SRGAP1: variants seen among roughly 807,000 people sequenced by gnomAD.
The protein encoded by SRGAP1 is SLIT-ROBO Rho GTPase-activating protein 1.
Under a neutral mutation model 121.9 loss-of-function variants are expected in SRGAP1, and 43 were observed. That is an observed-to-expected ratio of 0.35 (90% CI 0.28 to 0.46). SRGAP1 has a LOEUF of 0.46. Ranked by LOEUF, SRGAP1 falls within the 20% of genes least tolerant of loss-of-function variation. SRGAP1 has a pLI of 1.00. For synonymous variants in SRGAP1, 447 were observed against 485.4 expected (o/e 0.92, Z 1.04); for missense variants, 1,102 against 1,350.9 (o/e 0.82, Z 2.89).
At chr12:64,009,227 T>A (rs1401176365) in intron 3 of SRGAP1, among the ~76,000 whole-genome samples, 1 of 152,188 alleles carries the variant, frequency 6.6e-6, no homozygotes, top group African/African-American at 2.4e-5. Flanking sequence ...AACAGTTTTA[T>A]AACTCATTCT....
chr12:64,099,262 T>C (rs771710034), intron 15 of SRGAP1, among the ~76,000 whole-genome samples: 19 of 152,250 alleles, frequency 1.2e-4, no homozygotes, highest in Non-Finnish European at 1.3e-4. Context: ...TGTGAGAATT[T>C]AGTGAGTTAA....
chr12:64,108,351 C>T (rs1262763274), intron 15 of SRGAP1, among the ~76,000 whole-genome samples: 1 of 152,130 alleles, frequency 6.6e-6, no homozygotes, highest in Non-Finnish European at 1.5e-5. Context: ...TCAGGACATG[C>T]ATCATATGAA....
chr12:63,919,764 G>GCTCATAAGTA (rs1293113033), intron 1 of SRGAP1, among the ~76,000 whole-genome samples: 1 of 151,886 alleles, frequency 6.6e-6, no homozygotes, highest in Non-Finnish European at 1.5e-5. Flanking sequence ...GTACTATACA[G>GCTCATAAGTA]CTAATTTTGC....
chr12:64,071,985 T>C lies in SRGAP1; in HGVS notation c.1125+6766T>C, dbSNP rs552051579. Among the ~76,000 whole-genome samples, 15 of 151,714 alleles carry C rather than the reference T, an allele frequency of 9.9e-5. No homozygotes were observed. In the South Asian group the frequency reaches 3.1e-3, roughly 32 times the overall value. On this transcript the variant is annotated intron_variant, in intron 8 of 21. Coordinates refer to ENST00000355086, the MANE Select transcript of SRGAP1 (RefSeq NM_020762.4). ...TATTAGCATTGCACCCATGTTAGGG[T>C]ACAAGGAGCAAGAGAAGGCCATGGC...
At chr12:63,949,694 C>T (rs2032226847) in intron 1 of SRGAP1, among the ~76,000 whole-genome samples, 1 of 151,922 alleles carries the variant, frequency 6.6e-6, no homozygotes, top group African/African-American at 2.4e-5. Context: ...CCCAAAGAGA[C>T]ATTTTTATTT....
intron 1 of SRGAP1, among the ~76,000 whole-genome samples, chr12:63,879,819 C>T (rs1257706196): frequency 6.6e-5 from 10 of 152,174 alleles, no homozygotes; most frequent in Admixed American, 6.5e-4. Context: ...AACAGCTTCC[C>T]TCCCCATAAT....
chr12:63,990,464 G>A (rs147798715), intron 3 of SRGAP1, among the ~76,000 whole-genome samples: 2,152 of 152,242 alleles, frequency 0.014, 40 homozygotes, highest in African/African-American at 0.049. Context: ...CCCAGGAGGC[G>A]GAGGTTGCAG....
At chr12:64,092,600 T>C (rs1189112034) in intron 12 of SRGAP1, among the ~76,000 whole-genome samples, 1 of 152,162 alleles carries the variant, frequency 6.6e-6, no homozygotes, top group Non-Finnish European at 1.5e-5. Flanking sequence ...CAGTTACAGA[T>C]CTACTGCCTT....
At chr12:64,112,817 T>A (rs980421166) in intron 17 of SRGAP1, among the ~76,000 whole-genome samples, 22 of 152,128 alleles carry the variant, frequency 1.4e-4, no homozygotes, top group Non-Finnish European at 1.5e-5. Context: ...ATGTTCTTAC[T>A]CATATATGGA....
intron 1 of SRGAP1, among the ~76,000 whole-genome samples, chr12:63,941,836 C>T (rs544211115): frequency 7.2e-5 from 11 of 152,104 alleles, no homozygotes; most frequent in African/African-American, 2.7e-4. Context: ...AATAGAATGA[C>T]CCCACCTGGC....
intron 3 of SRGAP1, among the ~76,000 whole-genome samples, chr12:63,995,541 T>A (rs2033673890): frequency 6.6e-6 from 1 of 152,180 alleles, no homozygotes; most frequent in Non-Finnish European, 1.5e-5. Flanking sequence ...CAGAAACTTC[T>A]GAGAAATAGG....
chr12:64,067,171 C>G lies in SRGAP1; in HGVS notation c.1125+1952C>G, dbSNP rs540558054. ...CTGTTTGTGTTACCTGTCTGGCCTC[C>G]GCAGGCCTTTGAGTTTGTGATCCTT... On this transcript the variant is annotated intron_variant, in intron 8 of 21. Coordinates refer to ENST00000355086, the MANE Select transcript of SRGAP1 (RefSeq NM_020762.4). Among the ~76,000 whole-genome samples the G allele has an allele frequency of 1.5e-3, 235 of 152,278 alleles. 2 individuals carry two copies. Among genetic ancestry groups the G allele is most frequent in the Admixed American group, 4.2e-3 (64 of 15,282 alleles).
intron 1 of SRGAP1, among the ~76,000 whole-genome samples, chr12:63,913,048 A>G (rs2030575857): frequency 6.6e-6 from 1 of 152,022 alleles, no homozygotes; most frequent in African/African-American, 2.4e-5. Flanking sequence ...TTAGCTTATA[A>G]GGCCCTCCTC....
chr12:63,946,140 T>A (rs1354851593), intron 1 of SRGAP1, among the ~76,000 whole-genome samples: 1 of 152,224 alleles, frequency 6.6e-6, no homozygotes, highest in Non-Finnish European at 1.5e-5. Flanking sequence ...CACTGCATTA[T>A]GAAATGGAGG....
At chr12:64,045,475 A>C (rs919627551) in intron 6 of SRGAP1, among the ~76,000 whole-genome samples, 10 of 151,104 alleles carry the variant, frequency 6.6e-5, no homozygotes, top group Non-Finnish European at 1.3e-4. Context: ...TCACTCTGTC[A>C]CGTAGGCTGG....
intron 1 of SRGAP1, among the ~76,000 whole-genome samples, chr12:63,851,931 C>A (rs2136254690): frequency 6.6e-6 from 1 of 152,178 alleles, no homozygotes; most frequent in African/African-American, 2.4e-5. Flanking sequence ...ACATAATAGT[C>A]AACAAATGTT....
chr12:64,067,958 T>C (rs1054124817), intron 8 of SRGAP1, among the ~76,000 whole-genome samples: 2 of 151,576 alleles, frequency 1.3e-5, no homozygotes, highest in African/African-American at 4.8e-5. Flanking sequence ...TCACCCAAGT[T>C]TTAAAAAGCA....
intron 5 of SRGAP1, among the ~76,000 whole-genome samples, 186 bp from the exon 6 acceptor site, chr12:64,043,261 A>G (rs2035059436): frequency 6.6e-6 from 1 of 152,238 alleles, no homozygotes; most frequent in African/African-American, 2.4e-5. Flanking sequence ...ATTATTCCCC[A>G]TAGCTGGGTA....
intron 15 of SRGAP1, among the ~76,000 whole-genome samples, chr12:64,098,303 G>C (rs911217233): frequency 6.6e-5 from 10 of 150,632 alleles, no homozygotes; most frequent in African/African-American, 2.5e-4. Context: ...TCTAGATTTT[G>C]CCTTCTTTTC....
Sources: allele counts gnomAD v4.1 joint callset (sites outside exome capture counted in the v4.1 genomes callset), GRCh38; gene constraint gnomAD v4.1.1; transcripts MANE v1.5; gene names NCBI Gene and HGNC (gene_info 2026-07-23, HGNC 2026-07-21).